Variants in SNX31 observed in about 807,000 individuals in gnomAD.
SNX31 encodes sorting nexin 31.
SNX31 carries 58 observed loss-of-function variants against 65.4 expected under a neutral mutation model. The ratio of observed to expected loss-of-function variants is 0.89; its 90% CI spans 0.72 to 1.10. The LOEUF is 1.10. Ranked by LOEUF, SNX31 falls within the 50% of genes least tolerant of loss-of-function variation. The pLI is 0.00. For synonymous variants in SNX31, 181 were observed against 190.1 expected (o/e 0.95, Z 0.39); for missense variants, 523 against 529.7 (o/e 0.99, Z 0.12).
rs1377520590 is a variant in SNX31 at position 100,610,729 on chromosome 8, G to C, written c.611+1271C>G. On this transcript the variant is annotated intron_variant, in intron 7 of 13. Coordinates refer to ENST00000311812, the MANE Select transcript of SNX31 (RefSeq NM_152628.4). This position sits in a 1 kb window ranked among gnomAD's most constrained non-coding sequence, Gnocchi z 4.0. The stretch of plus-strand genomic sequence containing the variant: ...CCCTTCTCAGGGTTTCACATCTCAA[G>C]ATCTGGACCATTCCTCAGGATACTT... Among the ~76,000 whole-genome samples, 1 of 152,184 alleles carries C rather than the reference G, an allele frequency of 6.6e-6. No homozygotes were observed. Among genetic ancestry groups the C allele is most frequent in the Non-Finnish European group, 1.5e-5 (1 of 68,044 alleles).
rs1815983344 is a variant in SNX31, at chr8:100,604,767, G to T, written c.681+3727C>A. ...CTGTGGGAATTCAGTTGACTCATTGGATATCACTGGGCACATCTGCTTTAG... is the reference window on the plus strand; with the variant it reads ...CTGTGGGAATTCAGTTGACTCATTGTATATCACTGGGCACATCTGCTTTAG... On this transcript the variant is annotated intron_variant, in intron 8 of 13. Transcript: ENST00000311812. The surrounding 1 kb of genome is among the most constrained non-coding windows in gnomAD (Gnocchi z 4.3). 1.3e-5 allele frequency among the ~76,000 whole-genome samples: 2 copies of T among 152,198 alleles called. No individual in the cohort carries two copies. Among genetic ancestry groups the T allele is most frequent in the African/African-American group, 4.8e-5 (2 of 41,448 alleles).
At chr8:100,603,476 C>A (rs1432590687) in intron 8 of SNX31, among the ~76,000 whole-genome samples, 1 of 150,618 alleles carries the variant, frequency 6.6e-6, no homozygotes, top group African/African-American at 2.5e-5. Context: ...GCTCCTGTTG[C>A]CCAGGCTGGA....
chr8:100,633,551 G>A (rs7015067), intron 3 of SNX31, among the ~76,000 whole-genome samples: 23,301 of 151,980 alleles, frequency 0.15, 2,014 homozygotes, highest in South Asian at 0.25. Context: ...TTGCAGGCAC[G>A]TGCCACCATG....
At position 100,604,335 on chromosome 8, in the gene SNX31, C is replaced by T. The variant is rs994656742; in HGVS notation, c.682-3894G>A. 1.3e-5 allele frequency among the ~76,000 whole-genome samples: 2 copies of T among 152,236 alleles called. No individual in the cohort carries two copies. Among genetic ancestry groups the T allele is most frequent in the Non-Finnish European group, 2.9e-5 (2 of 68,044 alleles). On this transcript the variant is annotated intron_variant, in intron 8 of 13. Coordinates refer to ENST00000311812, the MANE Select transcript of SNX31 (RefSeq NM_152628.4). The surrounding 1 kb of genome is among the most constrained non-coding windows in gnomAD (Gnocchi z 4.3). ...CATAAGCCATAGTCTTCCTGACCTTCAGTCTCACACGCTCTAGTGTCCTCT... is the reference window on the plus strand; with the variant it reads ...CATAAGCCATAGTCTTCCTGACCTTTAGTCTCACACGCTCTAGTGTCCTCT...
chr8:100,615,631 G>T (rs112257940), intron 5 of SNX31, among the ~76,000 whole-genome samples: 4 of 152,324 alleles, frequency 2.6e-5, no homozygotes, highest in African/African-American at 7.2e-5. Context: ...TAGGCTAGAC[G>T]GTATGGCCCG....
chr8:100,639,925 G>A (rs1314417938), intron 2 of SNX31, among the ~76,000 whole-genome samples: 1 of 152,116 alleles, frequency 6.6e-6, no homozygotes, highest in African/African-American at 2.4e-5. Flanking sequence ...AACAAATCAG[G>A]AATGGGAGTA....
intron 4 of SNX31, chr8:100,618,116 G>A: frequency 1.0e-6 from 1 of 985,334 alleles, no homozygotes; most frequent in Non-Finnish European, 1.2e-6. Context: ...ACAATCCACA[G>A]CTTCCTTTTT....
Position 100,614,298 on chromosome 8 carries a change from C to T in SNX31, c.433-1213G>A, listed in dbSNP as rs1816982188. On this transcript the variant is annotated intron_variant, in intron 5 of 13. Transcript: ENST00000311812. This position sits in a 1 kb window ranked among gnomAD's most constrained non-coding sequence, Gnocchi z 5.1. ...TCCCAGAGTAAACCTGACCCAGGTCCACTCAAGTTAGATTTCCTTCTTTTC... is the reference window on the plus strand; with the variant it reads ...TCCCAGAGTAAACCTGACCCAGGTCTACTCAAGTTAGATTTCCTTCTTTTC... Among the ~76,000 whole-genome samples the T allele has an allele frequency of 6.6e-6, 1 of 152,146 alleles. No individual in the cohort carries two copies. The highest frequency in any genetic ancestry group is 1.5e-5 in the Non-Finnish European group (1 of 68,040).
chr8:100,639,739 A>C (rs1819024866), intron 2 of SNX31, among the ~76,000 whole-genome samples: 1 of 152,218 alleles, frequency 6.6e-6, no homozygotes, highest in South Asian at 2.1e-4. Flanking sequence ...CACTCCAGTA[A>C]CAATGAACAT....
intron 4 of SNX31, among the ~76,000 whole-genome samples, chr8:100,624,946 C>A (rs116875564): frequency 0.059 from 8,956 of 152,002 alleles, 399 homozygotes; most frequent in Non-Finnish European, 0.09. Context: ...GGGCTATAGA[C>A]ACGTGCCACT....
chr8:100,615,762 T>C (rs1354920956), intron 5 of SNX31, among the ~76,000 whole-genome samples: 3 of 152,144 alleles, frequency 2.0e-5, no homozygotes, highest in Non-Finnish European at 4.4e-5. Flanking sequence ...TAAACATATC[T>C]ATTGTTATTA....
chr8:100,608,592 T>C, intron 7 of SNX31, 29 bp from the exon 8 acceptor site: 1 of 1,609,994 alleles, frequency 6.2e-7, no homozygotes. Flanking sequence ...TGAAATTCAT[T>C]CCTGTGACAT....
At position 100,576,342 on chromosome 8, in the gene SNX31, A is replaced by G. The variant is rs1813041782; in HGVS notation, c.1227+677T>C. ...AGTCACTTTTCTTTCATTCACCTACACTAGGATTTGGACTTAGAAAGGAAG... is the reference window on the plus strand; with the variant it reads ...AGTCACTTTTCTTTCATTCACCTACGCTAGGATTTGGACTTAGAAAGGAAG... On this transcript the variant is annotated intron_variant, in intron 13 of 13. Coordinates refer to ENST00000311812, the MANE Select transcript of SNX31 (RefSeq NM_152628.4). The surrounding 1 kb of genome is among the most constrained non-coding windows in gnomAD (Gnocchi z 4.8). Among the ~76,000 whole-genome samples, 1 of 152,196 alleles carries G rather than the reference A, an allele frequency of 6.6e-6. No individual in the cohort carries two copies. Among genetic ancestry groups the G allele is most frequent in the South Asian group, 2.1e-4 (1 of 4,838 alleles).
chr8:100,581,193 G>A (rs1386905900), intron 12 of SNX31, among the ~76,000 whole-genome samples: 1 of 151,624 alleles, frequency 6.6e-6, no homozygotes, highest in Non-Finnish European at 1.5e-5. Context: ...CAGCTACTTG[G>A]GAGACTGAAG....
At chr8:100,633,245 T>A (rs752224559) in intron 3 of SNX31, among the ~76,000 whole-genome samples, 1 of 152,188 alleles carries the variant, frequency 6.6e-6, no homozygotes, top group South Asian at 2.1e-4. Context: ...TTGGTGAAGT[T>A]TGAATAAGGT....
chr8:100,650,456 T>C (rs983237961), upstream of SNX31, among the ~76,000 whole-genome samples: 1 of 152,142 alleles, frequency 6.6e-6, no homozygotes, highest in Non-Finnish European at 1.5e-5. Flanking sequence ...GGGCATTTTT[T>C]TCATGGGTCT....
intron 5 of SNX31, among the ~76,000 whole-genome samples, chr8:100,615,126 T>C (rs1817057000): frequency 6.6e-6 from 1 of 152,218 alleles, no homozygotes; most frequent in Non-Finnish European, 1.5e-5. Flanking sequence ...ACTTCTAGGG[T>C]AGAACCTCCA....
intron 4 of SNX31, among the ~76,000 whole-genome samples, chr8:100,627,627 C>T (rs936194471): frequency 6.6e-6 from 1 of 152,138 alleles, no homozygotes; most frequent in Non-Finnish European, 1.5e-5. Flanking sequence ...CTGTAACCTC[C>T]ACCTCCTGGG....
At chr8:100,647,984 C>T (rs115505122) in intron 2 of SNX31, among the ~76,000 whole-genome samples, 3 of 152,204 alleles carry the variant, frequency 2.0e-5, no homozygotes, top group African/African-American at 7.2e-5. Flanking sequence ...TTCCTAAGGA[C>T]CTACTGGGTC....
Sources: gnomAD v4.1 joint callset for allele counts (sites outside exome capture counted in the v4.1 genomes callset) on GRCh38, gnomAD v4.1.1 for gene constraint, Gnocchi (gnomAD v3.1) non-coding constraint, MANE v1.5 for transcripts, NCBI Gene and HGNC (gene_info 2026-07-23, HGNC 2026-07-21) for gene names.